Variants in PPFIA2 observed in about 807,000 individuals in gnomAD.
PPFIA2 encodes the protein PPFI scaffold protein A2.
A neutral mutation model predicts 175.5 loss-of-function variants in PPFIA2; 46 were observed. That is an observed-to-expected ratio of 0.26 (90% CI 0.21 to 0.34). The LOEUF (loss-of-function observed/expected upper bound fraction) is 0.34, where lower values mean the gene tolerates loss of function less well. Ranked by LOEUF, PPFIA2 falls within the 10% of genes least tolerant of loss-of-function variation. PPFIA2 has a pLI of 1.00. For missense variants in PPFIA2, 1,179 were observed against 1,506.1 expected (o/e 0.78, Z 3.60); for synonymous variants, 568 against 511.4 (o/e 1.11, Z -1.49).
Position 81,528,397 on chromosome 12 carries a change from C to T in PPFIA2, c.304-70531G>A, listed in dbSNP as rs997065034. Among the ~76,000 whole-genome samples the T allele has an allele frequency of 5.3e-5, 8 of 151,984 alleles. 1 individual carries two copies. The highest frequency in any genetic ancestry group is 4.1e-4 in the South Asian group (2 of 4,826). The stretch of plus-strand genomic sequence containing the variant: ...TCAGCTTTCTACTGAAGAAAATATC[C>T]GTACGCACTTTATATAGTCTAGAGA... On this transcript the variant is annotated intron_variant, in intron 4 of 32. Coordinates refer to ENST00000549396, the MANE Select transcript of PPFIA2 (RefSeq NM_003625.5).
At chr12:81,446,541 G>C (rs2051302232) in intron 5 of PPFIA2, among the ~76,000 whole-genome samples, 1 of 152,158 alleles carries the variant, frequency 6.6e-6, no homozygotes, top group Non-Finnish European at 1.5e-5. Context: ...ATCAGAAATT[G>C]CTTGATTATT....
chr12:81,309,100 G>A (rs2050063681), intron 22 of PPFIA2, among the ~76,000 whole-genome samples: 1 of 152,142 alleles, frequency 6.6e-6, no homozygotes, highest in Non-Finnish European at 1.5e-5. Flanking sequence ...AGCAGGAAAT[G>A]TACACAGACT....
At chr12:81,437,788 G>A (rs1400695188) in intron 7 of PPFIA2, among the ~76,000 whole-genome samples, 1 of 151,762 alleles carries the variant, frequency 6.6e-6, no homozygotes, top group Non-Finnish European at 1.5e-5. Flanking sequence ...GTTTTTTTCT[G>A]ATAGTTCCAG....
At chr12:81,591,626 T>C (rs1595377502) in intron 4 of PPFIA2, among the ~76,000 whole-genome samples, 1 of 152,014 alleles carries the variant, frequency 6.6e-6, no homozygotes, top group Non-Finnish European at 1.5e-5. Flanking sequence ...CCAGCTGTGA[T>C]TAAAAGGGGC....
At chr12:81,534,413 A>G (rs2065084893) in intron 4 of PPFIA2, among the ~76,000 whole-genome samples, 1 of 151,686 alleles carries the variant, frequency 6.6e-6, no homozygotes, top group African/African-American at 2.4e-5. Context: ...TTATTATTAC[A>G]TGTTCTATGC....
At chr12:81,756,679 A>G (rs944479106) in intron 2 of PPFIA2, among the ~76,000 whole-genome samples, 1 of 152,152 alleles carries the variant, frequency 6.6e-6, no homozygotes, top group African/African-American at 2.4e-5. Context: ...TTAGAGGAAA[A>G]AAAAGAAAAT....
At chr12:81,278,049 G>T (rs1318853895) in intron 27 of PPFIA2, among the ~76,000 whole-genome samples, 2 of 152,132 alleles carry the variant, frequency 1.3e-5, no homozygotes, top group Admixed American at 1.3e-4. Context: ...ACAAAAGATT[G>T]CAGATGGAAA....
intron 3 of PPFIA2, among the ~76,000 whole-genome samples, chr12:81,752,939 AT>A (rs60963783): frequency 0.65 from 92,920 of 142,952 alleles, 32,110 homozygotes; most frequent in Middle Eastern, 0.81. Flanking sequence ...TATGCTTTTC[AT>A]TTTTTTTTTT....
At chr12:81,743,691 T>C (rs2082659257) in intron 3 of PPFIA2, among the ~76,000 whole-genome samples, 1 of 152,078 alleles carries the variant, frequency 6.6e-6, no homozygotes, top group Non-Finnish European at 1.5e-5. Context: ...TCTAGGAACA[T>C]GTACAGTTCA....
intron 4 of PPFIA2, among the ~76,000 whole-genome samples, chr12:81,608,995 T>C (rs945337631): frequency 5.9e-5 from 9 of 152,042 alleles, no homozygotes; most frequent in Admixed American, 4.6e-4. Flanking sequence ...GTTTTATACC[T>C]ATTTTCATTA....
At chr12:81,543,375 C>T (rs1294501368) in intron 4 of PPFIA2, among the ~76,000 whole-genome samples, 1 of 151,998 alleles carries the variant, frequency 6.6e-6, no homozygotes, top group Non-Finnish European at 1.5e-5. Flanking sequence ...GTGAATAGAG[C>T]TCCTAATGAC....
Position 81,752,428 on chromosome 12 carries a change from T to C in PPFIA2, c.249+1545A>G, listed in dbSNP as rs548814424. ...AGACTAAAATATTTTCCTTAAAAAA[T>C]ATAATATTTGGTGTAGCTATCTAGC... On this transcript the variant is annotated intron_variant, in intron 3 of 32. Transcript: ENST00000549396. 4.6e-5 allele frequency among the ~76,000 whole-genome samples: 7 copies of C among 152,300 alleles called. No individual in the cohort carries two copies. In the East Asian group the frequency reaches 1.3e-3, roughly 29 times the overall value.
rs796161671 is a variant in PPFIA2 at position 81,753,526 on chromosome 12, TA to T, written c.249+446del. On this transcript the variant is annotated intron_variant, in intron 3 of 32. Coordinates refer to ENST00000549396, the MANE Select transcript of PPFIA2 (RefSeq NM_003625.5). ...AATTTTAAAGCAGATATTAGGCATT[TA>T]AAAAAAAAAAAACAATAGTTGGACA... Among the ~76,000 whole-genome samples the T allele has an allele frequency of 8.6e-3, 1,194 of 139,342 alleles. 12 individuals carry two copies. The highest frequency in any genetic ancestry group is 0.026 in the African/African-American group (986 of 38,050). 91.4% of individuals were successfully genotyped at this position (139,342 alleles called of 152,430 possible).
At chr12:81,321,775 C>A (rs992652660) in intron 22 of PPFIA2, among the ~76,000 whole-genome samples, 46 of 152,268 alleles carry the variant, frequency 3.0e-4, no homozygotes, top group Non-Finnish European at 3.2e-4. Context: ...CCCTAAAATA[C>A]TCAAATATAG....
rs144340105 is a variant in PPFIA2, at chr12:81,513,747, T to C, written c.304-55881A>G. Among the ~76,000 whole-genome samples the C allele has an allele frequency of 3.6e-3, 550 of 152,110 alleles. 1 individual carries two copies. The highest frequency in any genetic ancestry group is 5.4e-3 in the Non-Finnish European group (369 of 67,896). ...CTTGAAATTGGTCAACAATATATAA[T>C]AAAGATAGAACAATCAGGCATACAT... On this transcript the variant is annotated intron_variant, in intron 4 of 32. Coordinates refer to ENST00000549396, the MANE Select transcript of PPFIA2 (RefSeq NM_003625.5).
At chr12:81,547,400 A>C (rs1159734252) in intron 4 of PPFIA2, among the ~76,000 whole-genome samples, 1 of 150,474 alleles carries the variant, frequency 6.6e-6, no homozygotes, top group Non-Finnish European at 1.5e-5. Context: ...TTTGAGACAG[A>C]GTTTTGCTCT....
intron 4 of PPFIA2, among the ~76,000 whole-genome samples, chr12:81,505,168 A>G (rs1162506493): frequency 6.6e-6 from 1 of 152,034 alleles, no homozygotes; most frequent in Non-Finnish European, 1.5e-5. Flanking sequence ...TTTAATGTGC[A>G]ACTAGGTTTA....
At chr12:81,409,461 T>C (rs1010721055) in intron 7 of PPFIA2, among the ~76,000 whole-genome samples, 13 of 152,062 alleles carry the variant, frequency 8.5e-5, no homozygotes, top group African/African-American at 3.1e-4. Flanking sequence ...TTATTTATCA[T>C]TGGAGTGGGT....
intron 30 of PPFIA2, 30 bp downstream of exon 30, chr12:81,266,922 A>G: frequency 1.3e-6 from 2 of 1,526,058 alleles, no homozygotes; most frequent in East Asian, 2.3e-5. Flanking sequence ...TTACTCTCTC[A>G]GATCTCTTTT....
Sources: gnomAD v4.1 joint callset for allele counts (sites outside exome capture counted in the v4.1 genomes callset) on GRCh38, gnomAD v4.1.1 for gene constraint, MANE v1.5 for transcripts, NCBI Gene and HGNC (gene_info 2026-07-23, HGNC 2026-07-21) for gene names.